The following EIPR1 variants were observed in gnomAD, a reference collection of about 807,000 sequenced individuals.
The protein encoded by EIPR1 is EARP and GARP complex-interacting protein 1.
In EIPR1, 25 loss-of-function variants were observed where a neutral mutation model predicts 48.1. That is an observed-to-expected ratio of 0.52 (90% CI 0.38 to 0.73). EIPR1 has a LOEUF of 0.73. EIPR1 is among the 30% of genes least tolerant of loss of function. The pLI, the probability that EIPR1 is intolerant of heterozygous loss-of-function variation, is 0.00. For missense variants in EIPR1, 415 were observed against 506.2 expected (o/e 0.82, Z 1.73); for synonymous variants, 204 against 201.9 (o/e 1.01, Z -0.09).
At chr2:3,371,684 A>G (rs1287060085) in intron 1 of EIPR1, among the ~76,000 whole-genome samples, 1 of 152,238 alleles carries the variant, frequency 6.6e-6, no homozygotes, top group Non-Finnish European at 1.5e-5. Context: ...AGAGCTAACT[A>G]TCCTAAATAT....
chr2:3,351,890 C>G (rs1185153270), intron 2 of EIPR1, among the ~76,000 whole-genome samples: 2 of 152,224 alleles, frequency 1.3e-5, no homozygotes, highest in Non-Finnish European at 2.9e-5. Flanking sequence ...ATTCATAAGT[C>G]TAAATCACAT....
chr2:3,221,026 A>AT (rs1665873739), intron 4 of EIPR1, among the ~76,000 whole-genome samples: 1 of 48,244 alleles, frequency 2.1e-5, no homozygotes, highest in African/African-American at 7.6e-5. Flanking sequence ...ACAATGGCCG[A>AT]CGTACACTCT....
intron 4 of EIPR1, among the ~76,000 whole-genome samples, chr2:3,230,933 T>G (rs1666224836): frequency 6.6e-6 from 1 of 152,200 alleles, no homozygotes. Flanking sequence ...TAGATGATTT[T>G]GGGTGGTATG....
chr2:3,274,264 T>C, intron 3 of EIPR1: 5 of 1,519,474 alleles, frequency 3.3e-6, no homozygotes, highest in South Asian at 1.3e-5. Context: ...CCAAGTACCA[T>C]AATTAAAAAT....
chr2:3,282,001 TA>T, intron 3 of EIPR1, among the ~76,000 whole-genome samples: 1 of 152,280 alleles, frequency 6.6e-6, no homozygotes, highest in Non-Finnish European at 1.5e-5. Flanking sequence ...CAGGATGCTT[TA>T]AAAGGGGCAC....
intron 4 of EIPR1, among the ~76,000 whole-genome samples, chr2:3,254,167 C>A (rs572563039): frequency 6.6e-6 from 1 of 152,210 alleles, no homozygotes; most frequent in East Asian, 1.9e-4. Flanking sequence ...ACCGACGTTC[C>A]CCCAAATCAA....
Position 3,376,615 on chromosome 2 carries a change from C to T in EIPR1, c.42+1033G>A, listed in dbSNP as rs1033573736. Among the ~76,000 whole-genome samples, 5 of 150,790 alleles carry T rather than the reference C, an allele frequency of 3.3e-5. 1 individual carries two copies. The South Asian group carries it at 6.3e-4, about 19-fold the overall frequency. ...TTGAGGCAGGAGAATCACTTAAACC[C>T]GGGAGGCGGAGGTTGCAGTGAGCCG... is the stretch of plus-strand genomic sequence containing the variant. On this transcript the variant is annotated intron_variant, in intron 1 of 8. Transcript: ENST00000382125.
chr2:3,221,380 G>C (rs566860817), intron 4 of EIPR1, among the ~76,000 whole-genome samples: 1 of 1,992 alleles, frequency 5.0e-4, no homozygotes, highest in African/African-American at 8.1e-4. Context: ...ACAGTGAGTC[G>C]GGAACACACG....
intron 5 of EIPR1, chr2:3,207,703 C>G (rs527244510): frequency 6.6e-6 from 1 of 152,242 alleles, no homozygotes; most frequent in South Asian, 2.1e-4. Flanking sequence ...TTTGTATTAC[C>G]AGAAAGAAGT....
chr2:3,358,361 TTATC>T (rs1257346359), intron 1 of EIPR1, among the ~76,000 whole-genome samples: 3 of 152,140 alleles, frequency 2.0e-5, no homozygotes, highest in Non-Finnish European at 4.4e-5. Context: ...ATAACCAATA[TTATC>T]TATGTTCCCA....
At chr2:3,194,867 T>C (rs1664755434) in intron 6 of EIPR1, among the ~76,000 whole-genome samples, 1 of 152,034 alleles carries the variant, frequency 6.6e-6, no homozygotes, top group Non-Finnish European at 1.5e-5. Context: ...CAGCTCCAGG[T>C]CCAACACTGC....
At chr2:3,342,054 T>C (rs1197417854) in intron 2 of EIPR1, among the ~76,000 whole-genome samples, 2 of 152,222 alleles carry the variant, frequency 1.3e-5, no homozygotes, top group African/African-American at 4.8e-5. Flanking sequence ...CCAATTCTTT[T>C]ATGTTTGTTA....
rs369686198 is a variant in EIPR1 at position 3,302,622 on chromosome 2, G to A, written c.259+35395C>T. Among the ~76,000 whole-genome samples the A allele has an allele frequency of 1.9e-3, 295 of 152,374 alleles. 1 individual carries two copies. The highest frequency in any genetic ancestry group is 2.9e-3 in the South Asian group (14 of 4,832). ...ACAGCGATGGCAGTGACGTGACGTC[G>A]CGGAACCAGAGGTTGTGCCCCATTG... On this transcript the variant is annotated intron_variant, in intron 3 of 8. Transcript: ENST00000382125.
At chr2:3,295,298 T>TA (rs1375860935) in intron 3 of EIPR1, among the ~76,000 whole-genome samples, 2 of 71,852 alleles carry the variant, frequency 2.8e-5, no homozygotes, top group South Asian at 5.2e-4. Flanking sequence ...CCGTCCTCTC[T>TA]CCACACACAC....
chr2:3,206,176 G>A (rs1665228392), intron 5 of EIPR1, among the ~76,000 whole-genome samples: 1 of 152,178 alleles, frequency 6.6e-6, no homozygotes, highest in Non-Finnish European at 1.5e-5. Flanking sequence ...GGCTCTCCTG[G>A]CGGGACACCC....
intron 3 of EIPR1, chr2:3,301,577 C>T (rs1668763183): frequency 6.6e-6 from 1 of 152,228 alleles, no homozygotes; most frequent in Admixed American, 6.5e-5. Context: ...AGTTCTTACT[C>T]AGGTACCCAC....
At chr2:3,308,744 C>A (rs534169107) in intron 3 of EIPR1, among the ~76,000 whole-genome samples, 1 of 152,110 alleles carries the variant, frequency 6.6e-6, no homozygotes, top group African/African-American at 2.4e-5. Context: ...AAGACAAGAA[C>A]GAAAATTGAA....
At chr2:3,271,473 A>T (rs1462466048) in intron 3 of EIPR1, among the ~76,000 whole-genome samples, 1 of 152,236 alleles carries the variant, frequency 6.6e-6, no homozygotes, top group African/African-American at 2.4e-5. Flanking sequence ...CTTGATCCAT[A>T]GGCTGCAAAA....
At chr2:3,265,275 C>T (rs1011356752) in intron 3 of EIPR1, among the ~76,000 whole-genome samples, 7 of 152,136 alleles carry the variant, frequency 4.6e-5, no homozygotes, top group African/African-American at 1.7e-4. Context: ...AAGGAGTGTG[C>T]TTGGGGCTCA....
Sources: gnomAD v4.1 joint callset for allele counts (sites outside exome capture counted in the v4.1 genomes callset) on GRCh38, gnomAD v4.1.1 for gene constraint, MANE v1.5 for transcripts, NCBI Gene and HGNC (gene_info 2026-07-23, HGNC 2026-07-21) for gene names.